Variants in RIMS2 observed in about 807,000 individuals in gnomAD.
RIMS2 encodes the protein regulating synaptic membrane exocytosis protein 2.
A neutral mutation model predicts 174.4 loss-of-function variants in RIMS2; 59 were observed. The observed-to-expected ratio is 0.34, with a 90% CI of 0.27 to 0.42. The LOEUF is 0.42. Ranked by LOEUF, RIMS2 falls within the 10% of genes least tolerant of loss-of-function variation. RIMS2 has a pLI of 1.00. For missense variants in RIMS2, 1,620 were observed against 1,666.3 expected (o/e 0.97, Z 0.48); for synonymous variants, 606 against 572.5 (o/e 1.06, Z -0.84).
At chr8:103,689,203 T>C (rs915257273) in intron 1 of RIMS2, among the ~76,000 whole-genome samples, 1 of 152,158 alleles carries the variant, frequency 6.6e-6, no homozygotes, top group Admixed American at 6.5e-5. Context: ...TATTTCATTG[T>C]GGTCAGAGAA....
chr8:103,793,579 A>G (rs1185522934), intron 3 of RIMS2, among the ~76,000 whole-genome samples: 4 of 152,198 alleles, frequency 2.6e-5, no homozygotes, highest in Non-Finnish European at 5.9e-5. Flanking sequence ...TGTTCTGGCC[A>G]GGGCAATCAG....
At chr8:103,710,513 A>T (rs2097290875) in intron 2 of RIMS2, among the ~76,000 whole-genome samples, 5 of 152,152 alleles carry the variant, frequency 3.3e-5, no homozygotes, top group Admixed American at 2.0e-4. Context: ...GTGAAAAAAT[A>T]ATGACTTCAT....
chr8:104,225,029 TTAAA>T (rs758041533), intron 19 of RIMS2, among the ~76,000 whole-genome samples: 1 of 152,234 alleles, frequency 6.6e-6, no homozygotes, highest in Non-Finnish European at 1.5e-5. Context: ...CTTCCTATAA[TTAAA>T]TATTTAAAAT....
intron 2 of RIMS2, among the ~76,000 whole-genome samples, chr8:103,697,555 A>C (rs934538279): frequency 4.6e-5 from 7 of 150,804 alleles, no homozygotes; most frequent in African/African-American, 1.5e-4. Context: ...CGAAAAAAAA[A>C]AAAACAAAAA....
chr8:103,621,893 C>G (rs1356177422), intron 1 of RIMS2, among the ~76,000 whole-genome samples: 2 of 152,014 alleles, frequency 1.3e-5, no homozygotes, highest in Non-Finnish European at 2.9e-5. Context: ...TTCTAAGTAC[C>G]TAAGTGATAG....
exon 5 of RIMS2, chr8:103,910,161 A>G: frequency 6.2e-7 from 1 of 1,612,240 alleles, no homozygotes; most frequent in Non-Finnish European, 8.5e-7. Flanking sequence ...TGGTTGGATC[A>G]TACGTCTTGG....
chr8:103,634,003 G>A (rs1038476382), intron 1 of RIMS2, among the ~76,000 whole-genome samples: 42 of 151,906 alleles, frequency 2.8e-4, no homozygotes, highest in Non-Finnish European at 5.4e-4. Context: ...ATAATTTTTC[G>A]TGTCTTGATT....
chr8:103,682,204 C>T (rs1417467180), intron 1 of RIMS2, among the ~76,000 whole-genome samples: 1 of 151,974 alleles, frequency 6.6e-6, no homozygotes, highest in Non-Finnish European at 1.5e-5. Context: ...AAAGTCTGAA[C>T]TAGAGGTATA....
rs1830087008 is a variant in RIMS2, at chr8:103,518,493, C to T, written c.176+17431C>T. ...TGGACAAGCTTGCTGTAACTCTTGT[C>T]ATATGGAAAGCAGGTATCTATATAT... is the stretch of plus-strand genomic sequence containing the variant. On this transcript the variant is annotated intron_variant, in intron 1 of 23. Coordinates refer to ENST00000504942, the Ensembl canonical transcript of RIMS2. 1.3e-5 allele frequency among the ~76,000 whole-genome samples: 2 copies of T among 151,962 alleles called. 1 individual carries two copies. Among genetic ancestry groups the T allele is most frequent in the South Asian group, 4.2e-4 (2 of 4,816 alleles).
intron 19 of RIMS2, among the ~76,000 whole-genome samples, chr8:104,116,183 A>G (rs527854349): frequency 6.6e-6 from 1 of 152,322 alleles, no homozygotes; most frequent in African/African-American, 2.4e-5. Context: ...TAATAATTTC[A>G]CTGTACTCAT....
intron 17 of RIMS2, among the ~76,000 whole-genome samples, chr8:104,006,626 TTCTCTCTC>T (rs55665972): frequency 0.15 from 20,693 of 138,060 alleles, 1,580 homozygotes; most frequent in Non-Finnish European, 0.19. Flanking sequence ...AGTGATCTAT[TTCTCTCTC>T]TCTCTCTCTC....
At chr8:104,196,833 G>T (rs564488940) in intron 19 of RIMS2, among the ~76,000 whole-genome samples, 89 of 152,058 alleles carry the variant, frequency 5.9e-4, no homozygotes, top group African/African-American at 2.1e-3. Flanking sequence ...TTGCAAAAAA[G>T]ATTTTGAAAA....
At chr8:103,642,494 T>A (rs916777727) in intron 1 of RIMS2, among the ~76,000 whole-genome samples, 4 of 152,100 alleles carry the variant, frequency 2.6e-5, no homozygotes, top group African/African-American at 9.7e-5. Flanking sequence ...TCCTTATTTT[T>A]TCCTTCCCTA....
At chr8:103,801,809 C>G (rs1249984987) in intron 3 of RIMS2, among the ~76,000 whole-genome samples, 1 of 152,156 alleles carries the variant, frequency 6.6e-6, no homozygotes, top group East Asian at 1.9e-4. Flanking sequence ...ACTAGATTGT[C>G]CACTTTTGAA....
chr8:103,726,204 A>G (rs1437966199), intron 2 of RIMS2, among the ~76,000 whole-genome samples: 1 of 152,212 alleles, frequency 6.6e-6, no homozygotes, highest in African/African-American at 2.4e-5. Flanking sequence ...TAAGTTAAAG[A>G]CATAGTAAGT....
Position 103,852,077 on chromosome 8 carries a change from C to T in RIMS2, c.699-33221C>T, listed in dbSNP as rs536049186. Among the ~76,000 whole-genome samples the T allele has an allele frequency of 1.3e-5, 2 of 151,968 alleles. 1 individual carries two copies. Among genetic ancestry groups the T allele is most frequent in the South Asian group, 4.1e-4 (2 of 4,826 alleles). ...GGGATAGACACTAATGACTTTTCCC[C>T]GAAAACATTACTTAGAGAGTGAAGA... On this transcript the variant is annotated intron_variant, in intron 3 of 23. Coordinates refer to ENST00000504942, the Ensembl canonical transcript of RIMS2.
At chr8:104,112,874 A>G (rs972693489) in intron 19 of RIMS2, among the ~76,000 whole-genome samples, 4 of 152,210 alleles carry the variant, frequency 2.6e-5, no homozygotes, top group African/African-American at 9.6e-5. Flanking sequence ...GTTTTTCATT[A>G]AAACTACTGA....
chr8:103,687,400 A>G lies in RIMS2; in HGVS notation c.177-9686A>G, dbSNP rs1380543338. Among the ~76,000 whole-genome samples, 4 of 151,840 alleles carry G rather than the reference A, an allele frequency of 2.6e-5. No individual in the cohort carries two copies. The East Asian group carries it at 7.7e-4, about 29-fold the overall frequency. ...TTCTTAAATGCTTTTTTAATTTTTA[A>G]ATTTAATTTCAAATTAACAAAAATT... On this transcript the variant is annotated intron_variant, in intron 1 of 23. Transcript: ENST00000504942.
intron 1 of RIMS2, among the ~76,000 whole-genome samples, chr8:103,691,594 A>G (rs2097025805): frequency 6.6e-6 from 1 of 152,078 alleles, no homozygotes; most frequent in African/African-American, 2.4e-5. Flanking sequence ...TCTCCGTGGT[A>G]TCTTGAATTT....
Sources: gnomAD v4.1 joint callset for allele counts (sites outside exome capture counted in the v4.1 genomes callset) on GRCh38, gnomAD v4.1.1 for gene constraint, MANE v1.5 for transcripts, NCBI Gene and HGNC (gene_info 2026-07-23, HGNC 2026-07-21) for gene names.